ZNF185: variants seen among roughly 807,000 people sequenced by gnomAD.
ZNF185 encodes zinc finger protein 185 with LIM domain.
ZNF185 carries 56 observed loss-of-function variants against 58.6 expected under a neutral mutation model. That is an observed-to-expected ratio of 0.95 (90% CI 0.77 to 1.19). The LOEUF (loss-of-function observed/expected upper bound fraction) is 1.19. Ranked by LOEUF, ZNF185 falls within the 50% of genes most tolerant of loss-of-function variation. The pLI is 0.00. For missense variants in ZNF185, 627 were observed against 573.5 expected, an observed-to-expected ratio of 1.09 and a Z score of -0.95; for synonymous variants, 230 against 215.9, an observed-to-expected ratio of 1.07 and a Z score of -0.57.
Position 152,956,834 on chromosome X carries a change from G to A in ZNF185, c.1410-2865G>A, listed in dbSNP as rs781840583. On this transcript the variant is annotated intron_variant, in intron 16 of 22. Coordinates refer to ENST00000449285, the Ensembl canonical transcript of ZNF185. Reference sequence around the variant, plus strand: ...GTCACTGTTGCATTAGTGCATTATCGATGTCAAACCCAATTCTTAAATAAA... The same window carrying A: ...GTCACTGTTGCATTAGTGCATTATCAATGTCAAACCCAATTCTTAAATAAA... 3.6e-5 allele frequency among the ~76,000 whole-genome samples: 4 copies of A among 112,296 alleles called. No individual in the cohort carries two copies. In the South Asian group the frequency reaches 1.1e-3, roughly 31 times the overall value.
chrX:152,958,522 G>A (rs907077211), intron 16 of ZNF185, among the ~76,000 whole-genome samples: 10 of 110,855 alleles, frequency 9.0e-5, no homozygotes, highest in Non-Finnish European at 5.7e-5. Flanking sequence ...TTGAGAGGCC[G>A]AGGCGGGCGG....
chrX:152,898,118 G>GCGCCCCGCGCCCCA, the ZNF185 span, among the ~76,000 whole-genome samples: 1 of 109,065 alleles, frequency 9.2e-6, no homozygotes, highest in Admixed American at 9.5e-5. Flanking sequence ...ACCGCGCCCC[G>GCGCCCCGCGCCCCA]CGCCCCGCGC....
At chrX:152,966,112 A>G (rs971174909) in intron 19 of ZNF185, among the ~76,000 whole-genome samples, 1 of 110,069 alleles carries the variant, frequency 9.1e-6, no homozygotes, top group Admixed American at 9.7e-5. Context: ...GGTTCAGGCA[A>G]TTCTCCTGCC....
intron 12 of ZNF185, among the ~76,000 whole-genome samples, chrX:152,930,371 C>A (rs1556876290): frequency 8.9e-6 from 1 of 112,115 alleles, no homozygotes; most frequent in Non-Finnish European, 1.9e-5. Context: ...CAAGAGATTT[C>A]CACGTTATAT....
At chrX:152,943,875 T>A (rs1190681936) in intron 15 of ZNF185, among the ~76,000 whole-genome samples, 1 of 113,044 alleles carries the variant, frequency 8.8e-6, no homozygotes, top group South Asian at 3.6e-4. Context: ...AGGCCTTGTA[T>A]GTTTGTCTTT....
At chrX:152,939,457 G>A (rs782169657) in intron 15 of ZNF185, among the ~76,000 whole-genome samples, 14 of 111,961 alleles carry the variant, frequency 1.3e-4, no homozygotes, top group Non-Finnish European at 2.3e-4. Flanking sequence ...AGTTCCAAGG[G>A]AAGAGGCTCT....
intron 9 of ZNF185, 65 bp downstream of exon 10, chrX:152,920,813 G>A (rs1177776377): frequency 4.4e-5 from 50 of 1,145,193 alleles, no homozygotes; most frequent in South Asian, 9.1e-5. Context: ...TCCGTCAGCA[G>A]GGGTGTAGTG....
At chrX:152,922,145 C>T (rs1215429495) in intron 9 of ZNF185, 28 bp from the exon 11 acceptor site, 5 of 1,170,964 alleles carry the variant, frequency 4.3e-6, no homozygotes, top group African/African-American at 3.6e-5. Context: ...AAGAAGACCA[C>T]GAGCGCTGTT....
intron 15 of ZNF185, among the ~76,000 whole-genome samples, chrX:152,942,644 AAACTT>A (rs201602231): frequency 0.012 from 1,326 of 112,202 alleles, 20 homozygotes; most frequent in African/African-American, 0.04. Flanking sequence ...TCTTCCTACT[AAACTT>A]TTGTCATCAA....
At chrX:152,947,697 G>A (rs1474216791) in intron 16 of ZNF185, among the ~76,000 whole-genome samples, 1 of 112,432 alleles carries the variant, frequency 8.9e-6, no homozygotes, top group African/African-American at 3.2e-5. Flanking sequence ...TCACTAAAGA[G>A]AATGCATGAG....
rs782179892 is a variant in ZNF185 at position 152,963,554 on chromosome X, TCTAA to T, written c.1608-282_1608-279del. 4.5e-5 allele frequency among the ~76,000 whole-genome samples: 5 copies of T among 111,713 alleles called. No individual in the cohort carries two copies. The East Asian group carries it at 1.4e-3, about 32-fold the overall frequency. On this transcript the variant is annotated intron_variant, in intron 17 of 22. Transcript: ENST00000449285. Reference sequence around the variant, plus strand: ...ATCCCCGGGAGCCCCATGATTCCACTCTAACTGAGTGAATCACAGAGGCCAAGGC... The same window carrying T: ...ATCCCCGGGAGCCCCATGATTCCACTCTGAGTGAATCACAGAGGCCAAGGC...
At chrX:152,952,314 T>G (rs1284395156) in intron 16 of ZNF185, among the ~76,000 whole-genome samples, 1 of 112,655 alleles carries the variant, frequency 8.9e-6, no homozygotes, top group Non-Finnish European at 1.9e-5. Flanking sequence ...AAGAATACTT[T>G]TTTGTTGTTT....
At chrX:152,943,978 C>G (rs2047523691) in intron 15 of ZNF185, among the ~76,000 whole-genome samples, 1 of 113,135 alleles carries the variant, frequency 8.8e-6, no homozygotes, top group Non-Finnish European at 1.9e-5. Context: ...GTGCAGACCA[C>G]TTTTGGATCT....
rs201727978 is a variant in ZNF185 at position 152,945,280 on chromosome X, T to G, written c.1225T>G (p.Tyr409Asp). Residue 409 changes from tyrosine (Y) to aspartate (D), a missense_variant, in exon 16 of 23, where the codon TAT (tyrosine) becomes GAT (aspartate). Transcript: ENST00000449285. ...ATTCTTCTTCAGGGCCTTGGCTGAT[T>G]ATGAGGGGAAGGATGTGGCCACCAG... 5.6e-5 allele frequency: 68 copies of G among 1,207,612 alleles called. No homozygotes were observed. The African/African-American group carries it at 1.2e-3, about 20-fold the overall frequency.
At chrX:152,971,161 A>T (rs782302064) in intron 22 of ZNF185, 113 bp from the exon 25 acceptor site, 4 of 112,223 alleles carry the variant, frequency 3.6e-5, no homozygotes, top group African/African-American at 1.3e-4. Flanking sequence ...TCTTCTCTCC[A>T]GAAGACACAC....
At chrX:152,916,527 G>A (rs782555130) in intron 3 of ZNF185, among the ~76,000 whole-genome samples, 2 of 112,066 alleles carry the variant, frequency 1.8e-5, no homozygotes, top group African/African-American at 3.2e-5. Context: ...GCCTGGCCGC[G>A]CCCTCTCGTC....
At chrX:152,967,349 C>A in intron 20 of ZNF185, 111 bp downstream of exon 22, 1 of 767,241 alleles carries the variant, frequency 1.3e-6, no homozygotes, top group Non-Finnish European at 1.9e-6. Flanking sequence ...AGCCTCCAAT[C>A]CATTTGCAGA....
chrX:152,913,674 C>T (rs1937704760), upstream of ZNF185, among the ~76,000 whole-genome samples: 1 of 112,377 alleles, frequency 8.9e-6, no homozygotes, highest in Non-Finnish European at 1.9e-5. Context: ...GCTTTCCCCA[C>T]TGAAGGTGGA....
rs2047704102 is a variant in ZNF185 at position 152,945,578 on chromosome X, C to T, written c.1409+114C>T. ...CTGTGCCAATACCCGACACATTGCACACCCAGGCTCCTGTTCTGTGAGTGG... is the reference window on the plus strand; with the variant it reads ...CTGTGCCAATACCCGACACATTGCATACCCAGGCTCCTGTTCTGTGAGTGG... On this transcript the variant is annotated intron_variant, in intron 16 of 22. Transcript: ENST00000449285. 13 of 845,505 alleles carry T rather than the reference C, an allele frequency of 1.5e-5. No homozygotes were observed. In the South Asian group the frequency reaches 2.9e-4, roughly 19 times the overall value. 69.7% of individuals were successfully genotyped at this position (845,505 alleles called of 1,213,427 possible). A position where few individuals can be genotyped will look rare whatever the true frequency, so the allele number is the denominator to read the frequency against.
Sources: allele counts gnomAD v4.1 joint callset (sites outside exome capture counted in the v4.1 genomes callset), GRCh38; gene constraint gnomAD v4.1.1; transcripts MANE v1.5; gene names NCBI Gene and HGNC (gene_info 2026-07-23, HGNC 2026-07-21).